The following RASSF8 variants were observed in gnomAD, a reference collection of about 807,000 sequenced individuals.
RASSF8 encodes ras association domain-containing protein 8.
In RASSF8, 22 loss-of-function variants were observed where a neutral mutation model predicts 48.5. The ratio of observed to expected loss-of-function variants is 0.45; its 90% confidence interval spans 0.32 to 0.65. RASSF8 has a LOEUF of 0.65. RASSF8 is among the 30% of genes least tolerant of loss of function. The pLI, the probability that RASSF8 is intolerant of heterozygous loss-of-function variation, is 0.03. For synonymous variants in RASSF8, 127 were observed against 171.5 expected, an observed-to-expected ratio of 0.74 and a Z score of 2.03; for missense variants, 418 against 489.2, an observed-to-expected ratio of 0.85 and a Z score of 1.37.
intron 2 of RASSF8, among the ~76,000 whole-genome samples, chr12:26,048,132 T>C (rs1943411797): frequency 6.6e-6 from 1 of 152,150 alleles, no homozygotes; most frequent in Non-Finnish European, 1.5e-5. Flanking sequence ...TTGAGCCGGG[T>C]TGACTTATAT....
At chr12:26,076,259 CTT>C (rs569817249), downstream of RASSF8, among the ~76,000 whole-genome samples, 1 of 144,236 alleles carries the variant, frequency 6.9e-6, no homozygotes, top group Non-Finnish European at 1.5e-5. Context: ...TCACAAAAAT[CTT>C]TTTTTTTTTT....
intron 1 of RASSF8, among the ~76,000 whole-genome samples, chr12:25,984,960 A>T (rs1210405769): frequency 6.6e-6 from 1 of 152,138 alleles, no homozygotes; most frequent in Non-Finnish European, 1.5e-5. Flanking sequence ...AATTTTATGG[A>T]CATTAACAAA....
At chr12:26,022,975 G>A (rs1484016600) in intron 2 of RASSF8, among the ~76,000 whole-genome samples, 3 of 152,088 alleles carry the variant, frequency 2.0e-5, no homozygotes, top group Admixed American at 6.5e-5. Flanking sequence ...TCAAACTCGC[G>A]ACCTCAGGTG....
rs116487571 is a variant in RASSF8, at chr12:25,979,395, A to T, written c.-202-15642A>T. Among the ~76,000 whole-genome samples, 447 of 152,238 alleles carry T rather than the reference A, an allele frequency of 2.9e-3. 3 individuals are homozygous for T. Among genetic ancestry groups the T allele is most frequent in the African/African-American group, 0.01 (433 of 41,528 alleles). On this transcript the variant is annotated intron_variant, in intron 1 of 5. Transcript: ENST00000689635. ...CAAAGCTGAGATGGAAATCGTGTAG[A>T]TAAGGGCTTGATTTTTGGCAACGAG...
intron 2 of RASSF8, among the ~76,000 whole-genome samples, chr12:26,048,128 C>T (rs551202113): frequency 1.3e-5 from 2 of 152,138 alleles, no homozygotes; most frequent in Non-Finnish European, 2.9e-5. Flanking sequence ...GCAATTGAGC[C>T]GGGTTGACTT....
intron 2 of RASSF8, among the ~76,000 whole-genome samples, chr12:26,015,949 G>A (rs1175002279): frequency 1.2e-4 from 18 of 151,840 alleles, no homozygotes; most frequent in Admixed American, 1.1e-3. Flanking sequence ...CTAACTAATG[G>A]TTACTTTCAA....
intron 1 of RASSF8, 163 bp downstream of exon 1, chr12:25,959,311 T>G (rs973398186): frequency 6.6e-6 from 1 of 152,370 alleles, no homozygotes; most frequent in Non-Finnish European, 1.5e-5. Flanking sequence ...GGGCTCCCGC[T>G]CCCTCTGCGT....
In RASSF8 at chr12:26,069,921, T is replaced by C; in HGVS notation, c.*1103T>C. ...CAAGGATATAAAGTCAAATTCAGCATATGTTTTTATTTTTAGGCTTGACTT... is the reference window on the plus strand; with the variant it reads ...CAAGGATATAAAGTCAAATTCAGCACATGTTTTTATTTTTAGGCTTGACTT... On this transcript the variant is annotated 3_prime_UTR_variant, in exon 6 of 6. Transcript: ENST00000689635. The C allele has an allele frequency of 9.2e-6, 9 of 980,270 alleles. No homozygotes were observed. Among genetic ancestry groups the C allele is most frequent in the Non-Finnish European group, 1.1e-5 (9 of 825,214 alleles). 60.7% of individuals were successfully genotyped at this position (980,270 alleles called of 1,614,324 possible).
In RASSF8 at chr12:26,069,515, A is replaced by G. The variant is rs141858989; in HGVS notation, c.*697A>G. ...GCATAACAGATATTTTTCATAAGCT[A>G]AATTGTATGTATAAAACATTTGCAG... is the stretch of plus-strand genomic sequence containing the variant. On this transcript the variant is annotated 3_prime_UTR_variant, in exon 6 of 6. Transcript: ENST00000689635. 1.0e-6 allele frequency: 1 copy of G among 985,438 alleles called. No individual in the cohort carries two copies. Among genetic ancestry groups the G allele is most frequent in the Non-Finnish European group, 1.2e-6 (1 of 829,890 alleles). 61.0% of individuals were successfully genotyped at this position (985,438 alleles called of 1,614,324 possible).
intron 2 of RASSF8, among the ~76,000 whole-genome samples, chr12:25,997,794 C>CA (rs1041309383): frequency 6.6e-6 from 1 of 152,080 alleles, no homozygotes; most frequent in Non-Finnish European, 1.5e-5. Context: ...ATTCATCATC[C>CA]TTTTTTTGGC....
chr12:26,001,590 T>C (rs989338536), intron 2 of RASSF8, among the ~76,000 whole-genome samples: 1 of 152,144 alleles, frequency 6.6e-6, no homozygotes, highest in Non-Finnish European at 1.5e-5. Flanking sequence ...TGTTAAAAAC[T>C]AAGACACAAA....
chr12:25,998,798 A>G (rs16929857), intron 2 of RASSF8, among the ~76,000 whole-genome samples: 28,783 of 151,928 alleles, frequency 0.19, 2,825 homozygotes, highest in East Asian at 0.24. Flanking sequence ...ATGTGTGTCC[A>G]TTCATTTAAG....
chr12:25,979,124 C>A (rs779876667), intron 1 of RASSF8, among the ~76,000 whole-genome samples: 1 of 152,152 alleles, frequency 6.6e-6, no homozygotes, highest in Non-Finnish European at 1.5e-5. Flanking sequence ...TATTCCCAAT[C>A]ATTCTTCCAA....
intron 2 of RASSF8, among the ~76,000 whole-genome samples, chr12:25,998,386 G>C (rs755382189): frequency 2.4e-5 from 3 of 125,816 alleles, no homozygotes; most frequent in Non-Finnish European, 3.3e-5. Context: ...TTTCACTCTT[G>C]TTGCCCAGGC....
chr12:25,979,243 G>A (rs1486955159), intron 1 of RASSF8, among the ~76,000 whole-genome samples: 1 of 152,104 alleles, frequency 6.6e-6, no homozygotes, highest in Admixed American at 6.5e-5. Context: ...AGAGAATCAA[G>A]CAGCAGGGAG....
chr12:26,063,813 CTT>C (rs1943802147), intron 3 of RASSF8, among the ~76,000 whole-genome samples: 2 of 151,630 alleles, frequency 1.3e-5, no homozygotes, highest in Admixed American at 6.6e-5. Context: ...TCAGGCCCCT[CTT>C]TTTATATGAA....
chr12:26,044,627 A>G (rs533515072), intron 2 of RASSF8, among the ~76,000 whole-genome samples: 6 of 152,304 alleles, frequency 3.9e-5, no homozygotes, highest in Admixed American at 2.6e-4. Flanking sequence ...GACCAGGCCT[A>G]AGCTCAATTC....
chr12:26,009,196 A>G (rs1942464940), intron 2 of RASSF8, among the ~76,000 whole-genome samples: 1 of 152,210 alleles, frequency 6.6e-6, no homozygotes, highest in Non-Finnish European at 1.5e-5. Context: ...CAATGGATAT[A>G]TGAGGATGTT....
At chr12:25,967,468 A>G (rs1489683394) in intron 1 of RASSF8, among the ~76,000 whole-genome samples, 6 of 152,060 alleles carry the variant, frequency 3.9e-5, no homozygotes, top group Admixed American at 1.3e-4. Flanking sequence ...TAATTTTTCT[A>G]TTCTTGATTA....
Sources: gnomAD v4.1 joint callset for allele counts (sites outside exome capture counted in the v4.1 genomes callset) on GRCh38, gnomAD v4.1.1 for gene constraint, MANE v1.5 for transcripts, NCBI Gene and HGNC (gene_info 2026-07-23, HGNC 2026-07-21) for gene names.